MACROD2: variants seen among roughly 807,000 people sequenced by gnomAD.
MACROD2 encodes ADP-ribose glycohydrolase MACROD2.
MACROD2 carries 36 observed loss-of-function variants against 70.4 expected under a neutral mutation model. The observed-to-expected ratio is 0.51, with a 90% CI of 0.39 to 0.68. The LOEUF (loss-of-function observed/expected upper bound fraction) is 0.68. MACROD2 is among the 30% of genes least tolerant of loss of function. MACROD2 has a pLI of 0.00. For synonymous variants in MACROD2, 172 were observed against 178.8 expected (o/e 0.96, Z 0.30); for missense variants, 496 against 538.4 (o/e 0.92, Z 0.78).
At chr20:14,925,104 T>A (rs567517878) in intron 5 of MACROD2, among the ~76,000 whole-genome samples, 4 of 152,144 alleles carry the variant, frequency 2.6e-5, no homozygotes, top group East Asian at 1.9e-4. Flanking sequence ...TCAGAGAGAA[T>A]CATTTTCACC....
intron 7 of MACROD2, among the ~76,000 whole-genome samples, chr20:15,490,233 C>CTCCCTTCCTCCCT (rs1555828638): frequency 8.8e-6 from 1 of 114,220 alleles, no homozygotes; most frequent in African/African-American, 3.0e-5. Context: ...CCCTTCCTTC[C>CTCCCTTCCTCCCT]TCCCTTCCCT....
chr20:14,813,040 G>T (rs2122181087), intron 5 of MACROD2, among the ~76,000 whole-genome samples: 1 of 151,868 alleles, frequency 6.6e-6, no homozygotes, highest in Middle Eastern at 3.4e-3. Flanking sequence ...CCCGTTTATT[G>T]CAAAGGATAT....
rs992607375 is a variant in MACROD2, at chr20:14,717,536, T to G, written c.418+32577T>G. Among the ~76,000 whole-genome samples the G allele has an allele frequency of 4.8e-5, 7 of 144,656 alleles. 1 individual carries two copies. The highest frequency in any genetic ancestry group is 1.9e-4 in the African/African-American group (7 of 36,302). 94.9% of individuals were successfully genotyped at this position (144,656 alleles called of 152,430 possible). On this transcript the variant is annotated intron_variant, in intron 5 of 17. Transcript: ENST00000684519. Reference sequence around the variant, plus strand: ...CCATACTGAATACCTTTTATGTAGTTTTTTTTTTTTTTGGCTAACATTTCC... The same window carrying G: ...CCATACTGAATACCTTTTATGTAGTGTTTTTTTTTTTTGGCTAACATTTCC...
chr20:14,786,571 A>AG (rs1229006060), intron 5 of MACROD2, among the ~76,000 whole-genome samples: 32 of 151,098 alleles, frequency 2.1e-4, no homozygotes, highest in Non-Finnish European at 3.0e-4. Context: ...GAAAAAAAAA[A>AG]AGAGAGAGAG....
chr20:14,621,204 C>T (rs1364405352), intron 4 of MACROD2, among the ~76,000 whole-genome samples: 6 of 151,932 alleles, frequency 3.9e-5, no homozygotes, highest in South Asian at 2.1e-4. Context: ...AAGTGCAAAG[C>T]GTTGTATAAT....
intron 8 of MACROD2, among the ~76,000 whole-genome samples, chr20:15,634,767 C>T (rs1463153964): frequency 1.3e-5 from 2 of 152,182 alleles, no homozygotes; most frequent in African/African-American, 4.8e-5. Context: ...TCGTACTGTG[C>T]CACAGGGGCT....
chr20:15,537,852 C>T (rs986937167), intron 8 of MACROD2, among the ~76,000 whole-genome samples: 3 of 152,134 alleles, frequency 2.0e-5, no homozygotes, highest in African/African-American at 7.2e-5. Context: ...AGATCACGAC[C>T]CCAGTCATAT....
intron 6 of MACROD2, among the ~76,000 whole-genome samples, chr20:15,324,969 G>T (rs1011085124): frequency 6.7e-6 from 1 of 150,254 alleles, no homozygotes; most frequent in South Asian, 2.2e-4. Flanking sequence ...CTATGTAAAA[G>T]GGCATTCATA....
At chr20:14,718,292 CAAAAAAAA>C (rs11358439) in intron 5 of MACROD2, among the ~76,000 whole-genome samples, 216 of 54,646 alleles carry the variant, frequency 4.0e-3, no homozygotes, top group African/African-American at 0.016. Flanking sequence ...GACTCTGTCT[CAAAAAAAA>C]AAAAAAAAAA....
At chr20:16,025,769 A>G (rs1601342469) in intron 15 of MACROD2, among the ~76,000 whole-genome samples, 1 of 152,306 alleles carries the variant, frequency 6.6e-6, no homozygotes, top group South Asian at 2.1e-4. Flanking sequence ...AAACCATGCC[A>G]TAATGCATTT....
rs555525935 is a variant in MACROD2, at chr20:14,198,698, C to T, written c.271+112970C>T. Among the ~76,000 whole-genome samples, 11 of 152,258 alleles carry T rather than the reference C, an allele frequency of 7.2e-5. No homozygotes were observed. The South Asian group carries it at 1.2e-3, about 17-fold the overall frequency. On this transcript the variant is annotated intron_variant, in intron 3 of 17. Coordinates refer to ENST00000684519, the MANE Select transcript of MACROD2 (RefSeq NM_001351661.2). ...ATAATCAATCTCTCTCCCTTGCCCC[C>T]ACCTTTTTCCTTTCCAGTCTCTGAT... is the stretch of plus-strand genomic sequence containing the variant.
At chr20:15,882,357 G>A (rs2064766572) in intron 9 of MACROD2, among the ~76,000 whole-genome samples, 1 of 152,036 alleles carries the variant, frequency 6.6e-6, no homozygotes. Flanking sequence ...ATGGACCCAG[G>A]AGACAGAAAT....
At chr20:15,400,991 A>G (rs1019991141) in intron 6 of MACROD2, among the ~76,000 whole-genome samples, 1 of 151,716 alleles carries the variant, frequency 6.6e-6, no homozygotes, top group Non-Finnish European at 1.5e-5. Context: ...GCCACATGAG[A>G]TTACATTCAC....
chr20:16,026,827 C>A (rs1302724591), intron 15 of MACROD2, among the ~76,000 whole-genome samples: 1 of 152,124 alleles, frequency 6.6e-6, no homozygotes, highest in Non-Finnish European at 1.5e-5. Context: ...AGGGTTTCGG[C>A]AAAGGTAACA....
intron 4 of MACROD2, among the ~76,000 whole-genome samples, chr20:14,647,291 T>G (rs1327357384): frequency 6.6e-6 from 1 of 152,146 alleles, no homozygotes; most frequent in Non-Finnish European, 1.5e-5. Flanking sequence ...AGCTACCCAG[T>G]TTGTTTAATC....
At chr20:15,304,481 A>T (rs560207950) in intron 6 of MACROD2, among the ~76,000 whole-genome samples, 8 of 152,314 alleles carry the variant, frequency 5.3e-5, no homozygotes, top group African/African-American at 1.9e-4. Context: ...GATGGATGTG[A>T]GGTATGACAA....
intron 5 of MACROD2, among the ~76,000 whole-genome samples, chr20:14,852,671 C>T (rs910452318): frequency 2.0e-5 from 3 of 152,084 alleles, no homozygotes; most frequent in African/African-American, 7.2e-5. Flanking sequence ...GACCCCTGCA[C>T]CTTTGTGTGT....
intron 15 of MACROD2, among the ~76,000 whole-genome samples, chr20:16,036,027 A>G (rs1348242656): frequency 6.6e-6 from 1 of 152,008 alleles, no homozygotes; most frequent in African/African-American, 2.4e-5. Flanking sequence ...TTCTGAACGC[A>G]TTATCTAATC....
At chr20:15,003,327 AC>A (rs2122904707) in intron 5 of MACROD2, among the ~76,000 whole-genome samples, 1 of 152,320 alleles carries the variant, frequency 6.6e-6, no homozygotes, top group South Asian at 2.1e-4. Context: ...ATTCATTCAA[AC>A]AATAGCATTT....
Sources: gnomAD v4.1 joint callset for allele counts (sites outside exome capture counted in the v4.1 genomes callset) on GRCh38, gnomAD v4.1.1 for gene constraint, MANE v1.5 for transcripts, NCBI Gene and HGNC (gene_info 2026-07-23, HGNC 2026-07-21) for gene names.